The following GABRQ variants were observed in gnomAD, a reference collection of about 807,000 sequenced individuals.
GABRQ encodes gamma-aminobutyric acid type A receptor subunit theta, also known as gamma-aminobutyric acid receptor subunit theta.
A neutral mutation model predicts 30.5 loss-of-function variants in GABRQ; 19 were observed. The ratio of observed to expected loss-of-function variants is 0.62; its 90% CI spans 0.43 to 0.91. The LOEUF is 0.91. Among genes scored for constraint, GABRQ ranks in the 40% least tolerant of loss-of-function variants. The pLI is 0.00. For synonymous variants in GABRQ, 187 were observed against 210.2 expected, an observed-to-expected ratio of 0.89 and a Z score of 0.95; for missense variants, 520 against 521.4, an observed-to-expected ratio of 1.00 and a Z score of 0.03.
chrX:152,658,338 C>T (rs1247824047), downstream of GABRQ, among the ~76,000 whole-genome samples: 1 of 112,051 alleles, frequency 8.9e-6, no homozygotes, highest in Non-Finnish European at 1.9e-5. Context: ...AGACCACCCC[C>T]AGGTGTGCCT....
In GABRQ at chrX:152,653,209, G is replaced by A. The variant is rs782280512; in HGVS notation, c.1827G>A (p.Lys609=). 1 of 1,206,714 alleles carries A rather than the reference G, an allele frequency of 8.3e-7. No individual in the cohort carries two copies. The highest frequency in any genetic ancestry group is 1.7e-5 in the African/African-American group (1 of 57,689). ...FNPDYVPKVD[K]WSRFLFPLAF... is the part of the protein sequence containing the mutation. ...CTGACTACGTCCCAAAGGTCGACAAGTGGTCCCGGTTCCTCTTCCCTCTGG... is the reference window on the plus strand; with the variant it reads ...CTGACTACGTCCCAAAGGTCGACAAATGGTCCCGGTTCCTCTTCCCTCTGG... The change falls in exon 9 of 9, where the codon AAG becomes AAA. Residue 609 remains lysine (K), a synonymous_variant. Transcript: ENST00000598523.
Position 152,652,609 on chromosome X carries a change from A to G in GABRQ, c.1227A>G (p.Ala409=). The change falls in exon 9 of 9, where the codon GCA becomes GCG. Residue 409 remains alanine, a synonymous_variant. Transcript: ENST00000598523. ...LPITPAQAPL[A]SPESLGSLTS... is the part of the protein sequence containing the mutation. ...TCACCCCAGCGCAGGCCCCCCTGGC[A>G]AGCCCGGAAAGCCTCGGTTCTTTGA... is the stretch of plus-strand genomic sequence containing the variant. 8.3e-7 allele frequency: 1 copy of G among 1,208,917 alleles called. No homozygotes were observed. Among genetic ancestry groups the G allele is most frequent in the Admixed American group, 2.2e-5 (1 of 46,004 alleles).
Position 152,652,701 on chromosome X carries a change from G to A in GABRQ, c.1319G>A (p.Gly440Asp), listed in dbSNP as rs143687531. ...CTCAGCCCACTCACTTCTCTCTCAG[G>A]CCAGGCCCCCCTGGCCACTGGAGAA... ...ESLSPLTSLS[G>D]QAPLATGESL... is the part of the protein sequence containing the mutation. The change falls in exon 9 of 9, where the codon GGC becomes GAC. Residue 440 changes from glycine to aspartate, a missense_variant. Gly to Asp is a moderately conservative substitution (Grantham distance 94). Transcript: ENST00000598523. 6 of 1,209,292 alleles carry A rather than the reference G, an allele frequency of 5.0e-6. No homozygotes were observed. In the African/African-American group the frequency reaches 8.7e-5, roughly 18 times the overall value.
rs1556820643 is a variant in GABRQ, at chrX:152,653,135, A to G, written c.1753A>G (p.Ser585Gly). 3.3e-6 allele frequency: 4 copies of G among 1,211,621 alleles called. No homozygotes were observed. Among genetic ancestry groups the G allele is most frequent in the Non-Finnish European group, 4.5e-6 (4 of 895,058 alleles). Residue 585 changes from serine (S) to glycine (G), a missense_variant, in exon 9 of 9, where the codon AGC (serine) becomes GGC (glycine). Coordinates refer to ENST00000598523, the MANE Select transcript of GABRQ (RefSeq NM_018558.4). ...AGAGTCTGAGGATAGTTGCCCCCCA[A>G]GCCCTGGGTGCTCCTTCACTGAAGG... The part of the protein sequence containing the change: ...SSESEDSCPP[S>G]PGCSFTEGFS...
intron 1 of GABRQ, among the ~76,000 whole-genome samples, chrX:152,639,006 TTTTTGA>T (rs1930682888): frequency 9.0e-6 from 1 of 111,049 alleles, no homozygotes; most frequent in Admixed American, 9.5e-5. Context: ...TTTTTTTCTC[TTTTTGA>T]TTTTAAGTTT....
At chrX:152,638,379 G>T (rs782256219) in intron 1 of GABRQ, 28 bp downstream of exon 1, 1 of 1,195,232 alleles carries the variant, frequency 8.4e-7, no homozygotes, top group Non-Finnish European at 1.1e-6. Flanking sequence ...GGCTAGGCAC[G>T]GCGGGGACGG....
intron 2 of GABRQ, among the ~76,000 whole-genome samples, chrX:152,644,617 C>T (rs5925197): frequency 1.8e-5 from 2 of 112,068 alleles, no homozygotes; most frequent in African/African-American, 3.2e-5. Context: ...CATGAACATG[C>T]GCAGGTGTTC....
rs930053439 is a variant in GABRQ, at chrX:152,655,060, A to G, written c.*1779A>G. 1 of 112,579 alleles carries G rather than the reference A, an allele frequency of 8.9e-6. No homozygotes were observed. The highest frequency in any genetic ancestry group is 3.2e-5 in the African/African-American group (1 of 30,922). The allele number at this position is 112,579 out of a possible 1,213,427, so 9.3% of individuals were successfully genotyped here. A position where few individuals can be genotyped will look rare whatever the true frequency, so the allele number is the denominator to read the frequency against. ...CTTATGTATGTGTATGCTTGTGTAC[A>G]CATGGGTCTATGCTGAGTGCATGTA... On this transcript the variant is annotated 3_prime_UTR_variant, in exon 9 of 9. Transcript: ENST00000598523.
rs1479573905 is a variant in GABRQ, at chrX:152,649,751, C to T, written c.620C>T (p.Thr207Met). 1.5e-5 allele frequency: 18 copies of T among 1,186,072 alleles called. No individual in the cohort carries two copies. The highest frequency in any genetic ancestry group is 6.6e-5 in the Admixed American group (3 of 45,623). The stretch of plus-strand genomic sequence containing the variant: ...TTTCTCTCCTTCCCAGATGGTTACA[C>T]GGTTGAAGACATCATATTATTCTGG... ...CNLVVESYGY[T>M]VEDIILFWDD... Residue 207 changes from threonine to methionine, a missense_variant, in exon 6 of 9, where the codon ACG (threonine) becomes ATG (methionine). Physicochemically the swap from Thr to Met is moderately conservative, Grantham distance 81. Transcript: ENST00000598523.
chrX:152,638,196 C>G lies in GABRQ; in HGVS notation c.-7C>G. ...CCGCGCCCTCAGGCGCCCAGAACGC[C>G]CCGGCCATGGGCATCCGAGGCATGC... is the stretch of plus-strand genomic sequence containing the variant. On this transcript the variant is annotated 5_prime_UTR_variant, in exon 1 of 9. Coordinates refer to ENST00000598523, the MANE Select transcript of GABRQ (RefSeq NM_018558.4). 1 of 1,209,564 alleles carries G rather than the reference C, an allele frequency of 8.3e-7. No homozygotes were observed. Among genetic ancestry groups the G allele is most frequent in the East Asian group, 3.0e-5 (1 of 33,789 alleles).
intron 1 of GABRQ, 131 bp from the exon 2 acceptor site, chrX:152,640,247 G>A: frequency 2.0e-6 from 1 of 511,373 alleles, no homozygotes; most frequent in Non-Finnish European, 3.6e-6. Context: ...GGGGAGCAGG[G>A]AGAGAGAGTG....
At chrX:152,639,599 C>T (rs1300348979) in intron 1 of GABRQ, among the ~76,000 whole-genome samples, 1 of 111,884 alleles carries the variant, frequency 8.9e-6, no homozygotes, top group African/African-American at 3.3e-5. Context: ...GCTGAGTCCA[C>T]TTACCTATGC....
rs1931151248 is a variant in GABRQ at position 152,656,409 on chromosome X, C to T, written c.*3128C>T. ...CTTCCATTTCTTTCCTTCCCATCGA[C>T]TTCCCCGACCCAGGATCCCTTCTTT... On this transcript the variant is annotated 3_prime_UTR_variant, in exon 9 of 9. Transcript: ENST00000598523. 8.9e-6 allele frequency: 1 copy of T among 111,942 alleles called. No individual in the cohort carries two copies. Among genetic ancestry groups the T allele is most frequent in the Non-Finnish European group, 1.9e-5 (1 of 53,219 alleles). 9.2% of individuals were successfully genotyped at this position (111,942 alleles called of 1,213,427 possible).
chrX:152,649,450 C>A lies in GABRQ; in HGVS notation c.610+117C>A, dbSNP rs1040574095. 3 of 508,143 alleles carry A rather than the reference C, an allele frequency of 5.9e-6. No homozygotes were observed. In the East Asian group the frequency reaches 1.0e-4, roughly 18 times the overall value. 41.9% of individuals were successfully genotyped at this position (508,143 alleles called of 1,213,427 possible). On this transcript the variant is annotated intron_variant, in intron 5 of 8. Transcript: ENST00000598523. ...ATCTCCTGTGCTCCCTCCCTCCCCC[C>A]ATTCTCTCTCCCAAAATAAATAGAC...
intron 8 of GABRQ, 148 bp from the exon 9 acceptor site, chrX:152,652,393 G>A: frequency 5.8e-6 from 3 of 520,542 alleles, no homozygotes; most frequent in Non-Finnish European, 6.5e-6. Flanking sequence ...GAACACCAGA[G>A]ACCCCAAGAG....
intron 3 of GABRQ, among the ~76,000 whole-genome samples, chrX:152,646,539 A>G (rs59718971): frequency 0.015 from 1,648 of 112,447 alleles, 21 homozygotes; most frequent in African/African-American, 0.044. Flanking sequence ...ATGAATACAT[A>G]CAGTATTATT....
At chrX:152,651,350 C>T (rs1931014240) in intron 7 of GABRQ, among the ~76,000 whole-genome samples, 176 bp from the exon 8 acceptor site, 1 of 112,104 alleles carries the variant, frequency 8.9e-6, no homozygotes, top group South Asian at 3.7e-4. Context: ...AATAAGAAGT[C>T]ATTGAACCAG....
rs868935588 is a variant in GABRQ at position 152,640,446 on chromosome X, G to T, written c.218G>T (p.Arg73Leu). 3 of 1,178,551 alleles carry T rather than the reference G, an allele frequency of 2.5e-6. No homozygotes were observed. The Middle Eastern group carries it at 7.0e-4, about 276-fold the overall frequency. ...LDRVLSRYDV[R>L]LRPNFGGAPV... ...AGGGTGCTGTCAAGATACGATGTCC[G>T]CCTGAGACCGAATTTTGGAGGTAAG... Residue 73 changes from arginine (R) to leucine (L), a missense_variant, in exon 2 of 9, where the codon CGC (arginine) becomes CTC (leucine). Transcript: ENST00000598523.
chrX:152,653,508 T>C lies in GABRQ; in HGVS notation c.*227T>C. On this transcript the variant is annotated 3_prime_UTR_variant, in exon 9 of 9. Coordinates refer to ENST00000598523, the MANE Select transcript of GABRQ (RefSeq NM_018558.4). ...GAGTTGGAGGTATACAGCACATGGA[T>C]TTCCTTTCCTGCTAGAAGACTCTCA... The C allele has an allele frequency of 2.8e-6, 1 of 355,358 alleles. No homozygotes were observed. The highest frequency in any genetic ancestry group is 4.8e-6 in the Non-Finnish European group (1 of 207,074). The allele number at this position is 355,358 out of a possible 1,213,427, so 29.3% of individuals were successfully genotyped here.
Sources: gnomAD v4.1 joint callset for allele counts (sites outside exome capture counted in the v4.1 genomes callset) on GRCh38, gnomAD v4.1.1 for gene constraint, MANE v1.5 for transcripts, NCBI Gene and HGNC (gene_info 2026-07-23, HGNC 2026-07-21) for gene names.